Variants in MPRIP observed in about 807,000 individuals in gnomAD.
The protein encoded by MPRIP is myosin phosphatase Rho interacting protein.
In MPRIP, 59 loss-of-function variants were observed where a neutral mutation model predicts 234.9. The ratio of observed to expected loss-of-function variants is 0.25; its 90% CI spans 0.20 to 0.31. The LOEUF (loss-of-function observed/expected upper bound fraction) is 0.31. Among genes scored for constraint, MPRIP ranks in the 10% least tolerant of loss-of-function variants. The probability of loss-of-function intolerance (pLI) is 1.00; values close to 1 mark genes in which losing one functional copy is unlikely to be tolerated. For missense variants in MPRIP, 2,436 were observed against 3,071.0 expected (o/e 0.79, Z 4.89); for synonymous variants, 1,144 against 1,263.9 (o/e 0.91, Z 2.01).
intron 14 of MPRIP, among the ~76,000 whole-genome samples, chr17:17,160,737 G>T (rs1410806805): frequency 6.6e-6 from 1 of 152,200 alleles, no homozygotes; most frequent in Non-Finnish European, 1.5e-5. Flanking sequence ...GTGGGCCCTG[G>T]AGTGAGGCCT....
At chr17:17,135,335 C>G (rs2090674471) in intron 5 of MPRIP, among the ~76,000 whole-genome samples, 1 of 152,220 alleles carries the variant, frequency 6.6e-6, no homozygotes, top group Non-Finnish European at 1.5e-5. Context: ...ACACCTTTTC[C>G]ATCTGGGCTA....
intron 20 of MPRIP, 130 bp from the exon 21 acceptor site, chr17:17,176,296 G>A (rs1251263698): frequency 1.8e-5 from 13 of 703,028 alleles, no homozygotes; most frequent in Admixed American, 4.1e-5. Context: ...ATGCTTGCCC[G>A]CATTGGGCAC....
chr17:17,179,975 G>T (rs2046338174), intron 22 of MPRIP, 28 bp from the exon 23 acceptor site: 1 of 1,551,956 alleles, frequency 6.4e-7, no homozygotes, highest in Non-Finnish European at 8.8e-7. Flanking sequence ...AAGGTAACAG[G>T]TCTGTTTGTT....
At chr17:17,131,580 G>A (rs752771763) in intron 4 of MPRIP, 37 bp from the exon 5 acceptor site, 4 of 1,590,164 alleles carry the variant, frequency 2.5e-6, no homozygotes, top group Non-Finnish European at 3.5e-6. Flanking sequence ...CGAGTGCCAG[G>A]GTCTTACCTG....
chr17:17,051,260 A>G (rs966966883), intron 1 of MPRIP, among the ~76,000 whole-genome samples: 2 of 152,244 alleles, frequency 1.3e-5, no homozygotes, highest in Non-Finnish European at 2.9e-5. Context: ...ATTGTTCCCA[A>G]GCTGCCACTT....
chr17:17,089,699 C>T (rs542074659), intron 3 of MPRIP, among the ~76,000 whole-genome samples: 3 of 151,902 alleles, frequency 2.0e-5, no homozygotes, highest in African/African-American at 4.8e-5. Context: ...GCGTGAGAAA[C>T]GGGGAAAGGA....
chr17:17,043,992 A>G (rs1352223609), intron 1 of MPRIP, among the ~76,000 whole-genome samples: 1 of 152,050 alleles, frequency 6.6e-6, no homozygotes, highest in Non-Finnish European at 1.5e-5. Context: ...TAGACTGAAA[A>G]CGAGTGAACG....
At chr17:17,085,951 C>A (rs1303452609) in intron 3 of MPRIP, among the ~76,000 whole-genome samples, 26 of 152,198 alleles carry the variant, frequency 1.7e-4, no homozygotes. Context: ...ACCGGACCAA[C>A]CTCCTTCTCT....
intron 3 of MPRIP, among the ~76,000 whole-genome samples, chr17:17,125,341 C>T (rs891866131): frequency 2.6e-5 from 4 of 152,232 alleles, no homozygotes; most frequent in Admixed American, 2.6e-4. Flanking sequence ...CACCTCCCTT[C>T]TGAGCTGGAC....
At chr17:17,172,064 C>T (rs77712968) in intron 17 of MPRIP, among the ~76,000 whole-genome samples, 199 bp downstream of exon 17, 6,365 of 152,328 alleles carry the variant, frequency 0.042, 226 homozygotes, top group East Asian at 0.12. Flanking sequence ...ACTGAGAGCG[C>T]ACACTTCGAC....
chr17:17,098,641 C>T (rs143405703), intron 3 of MPRIP, among the ~76,000 whole-genome samples: 113 of 152,296 alleles, frequency 7.4e-4, no homozygotes, highest in Non-Finnish European at 1.4e-3. Flanking sequence ...CCTTTCTCCC[C>T]TCTGCATATG....
At chr17:17,121,082 A>C (rs1597838592) in intron 3 of MPRIP, among the ~76,000 whole-genome samples, 1 of 152,316 alleles carries the variant, frequency 6.6e-6, no homozygotes. Flanking sequence ...TGACATGGCT[A>C]CTTCCTAGCA....
chr17:17,149,222 G>A (rs1389585409), intron 11 of MPRIP, among the ~76,000 whole-genome samples: 4 of 152,144 alleles, frequency 2.6e-5, no homozygotes, highest in African/African-American at 2.4e-5. Context: ...GTCCGGGGGC[G>A]GTGGCTCATG....
In MPRIP at chr17:17,138,742, C is replaced by G. The variant is rs1458439020; in HGVS notation, c.1250+313C>G. Among the ~76,000 whole-genome samples the G allele has an allele frequency of 3.9e-5, 6 of 152,158 alleles. No individual in the cohort carries two copies. The South Asian group carries it at 1.0e-3, about 26-fold the overall frequency. On this transcript the variant is annotated intron_variant, in intron 7 of 23. Coordinates refer to ENST00000651222, the MANE Select transcript of MPRIP (RefSeq NM_001364716.4). The surrounding 1 kb of genome is among the most constrained non-coding windows in gnomAD (Gnocchi z 5.8). ...CTGCCTGGTCCTTGTGGGGCTGGATCTTTTCCTCCTGGGCCATTTCTATTC... is the reference window on the plus strand; with the variant it reads ...CTGCCTGGTCCTTGTGGGGCTGGATGTTTTCCTCCTGGGCCATTTCTATTC...
intron 1 of MPRIP, among the ~76,000 whole-genome samples, chr17:17,053,126 C>T (rs956868353): frequency 1.3e-5 from 2 of 151,944 alleles, no homozygotes; most frequent in African/African-American, 4.8e-5. Context: ...TGGGTCAGGG[C>T]ATTTGCATGG....
intron 5 of MPRIP, among the ~76,000 whole-genome samples, chr17:17,134,368 TCCCATGGGTAAGCAG>T: frequency 6.6e-6 from 1 of 152,266 alleles, no homozygotes; most frequent in East Asian, 1.9e-4. Flanking sequence ...GCTGCTGGTT[TCCCATGGGTAAGCAG>T]CCCAGGATGC....
intron 1 of MPRIP, among the ~76,000 whole-genome samples, chr17:17,065,455 C>T (rs575151142): frequency 6.7e-6 from 1 of 149,422 alleles, no homozygotes; most frequent in Non-Finnish European, 1.5e-5. Context: ...GTATTTCCTC[C>T]ATTGAATTCT....
In MPRIP at chr17:17,066,723, C is replaced by CTTTTTTTTTTTTTTTTTTTTTTTTTTTTT. The variant is rs34804730; in HGVS notation, c.124-8969_124-8941dup. On this transcript the variant is annotated intron_variant, in intron 1 of 23. Coordinates refer to ENST00000651222, the MANE Select transcript of MPRIP (RefSeq NM_001364716.4). The stretch of plus-strand genomic sequence containing the variant: ...TCAAACCCACAGATACTTTTTTCAT[C>CTTTTTTTTTTTTTTTTTTTTTTTTTTTTT]TTTTTTTTTTTTTTTTTTTTTTTTT... Among the ~76,000 whole-genome samples, 2 of 36,636 alleles carry CTTTTTTTTTTTTTTTTTTTTTTTTTTTTT rather than the reference C, an allele frequency of 5.5e-5. 1 individual carries two copies. 24.0% of individuals were successfully genotyped at this position (36,636 alleles called of 152,430 possible). A position where few individuals can be genotyped will look rare whatever the true frequency, so the allele number is the denominator to read the frequency against.
intron 1 of MPRIP, 71 bp from the exon 2 acceptor site, chr17:17,075,639 C>A: frequency 1.5e-6 from 2 of 1,305,374 alleles, no homozygotes; most frequent in Non-Finnish European, 2.2e-6. Context: ...CGAGTGCTTG[C>A]TGTTAACTTG....
Sources: gnomAD v4.1 joint callset for allele counts (sites outside exome capture counted in the v4.1 genomes callset) on GRCh38, gnomAD v4.1.1 for gene constraint, Gnocchi (gnomAD v3.1) non-coding constraint, MANE v1.5 for transcripts, NCBI Gene and HGNC (gene_info 2026-07-23, HGNC 2026-07-21) for gene names.